DLG2: variants seen among roughly 807,000 people sequenced by gnomAD.
The protein encoded by DLG2 is disks large homolog 2.
Under a neutral mutation model 132.5 loss-of-function variants are expected in DLG2, and 45 were observed. The observed-to-expected ratio is 0.34, with a 90% CI of 0.27 to 0.44. The LOEUF (loss-of-function observed/expected upper bound fraction) is 0.44, where lower values mean the gene tolerates loss of function less well. Among genes scored for constraint, DLG2 ranks in the 20% least tolerant of loss-of-function variants. DLG2 has a pLI of 1.00. For synonymous variants in DLG2, 424 were observed against 419.6 expected, an observed-to-expected ratio of 1.01 and a Z score of -0.13; for missense variants, 1,045 against 1,196.9, an observed-to-expected ratio of 0.87 and a Z score of 1.87.
intron 3 of DLG2, among the ~76,000 whole-genome samples, chr11:85,510,270 T>C (rs950136367): frequency 1.3e-5 from 2 of 152,040 alleles, no homozygotes; most frequent in Admixed American, 6.6e-5. Context: ...GAAGAACTGA[T>C]AGGCCAGGAT....
intron 7 of DLG2, among the ~76,000 whole-genome samples, chr11:84,408,461 C>T (rs1280517314): frequency 6.6e-6 from 1 of 152,104 alleles, no homozygotes; most frequent in East Asian, 1.9e-4. Context: ...CATCATTGCA[C>T]ATGTTATTTA....
chr11:84,903,560 A>G (rs1400231637), intron 6 of DLG2, among the ~76,000 whole-genome samples: 1 of 152,148 alleles, frequency 6.6e-6, no homozygotes, highest in African/African-American at 2.4e-5. Flanking sequence ...ATTGTTCACA[A>G]ACTTAGTTGA....
chr11:83,909,947 GT>G (rs2075758756), intron 15 of DLG2, among the ~76,000 whole-genome samples: 1 of 152,180 alleles, frequency 6.6e-6, no homozygotes, highest in Admixed American at 6.6e-5. Flanking sequence ...GCCCTAGAAA[GT>G]GATCCACTGG....
chr11:83,510,542 TC>T (rs1224791160), intron 21 of DLG2, among the ~76,000 whole-genome samples: 1 of 152,214 alleles, frequency 6.6e-6, no homozygotes, highest in African/African-American at 2.4e-5. Context: ...TAGCCTGTAG[TC>T]CCGTTTTAGC....
intron 15 of DLG2, among the ~76,000 whole-genome samples, chr11:83,884,661 C>A (rs1388896863): frequency 6.6e-6 from 1 of 152,168 alleles, no homozygotes; most frequent in East Asian, 1.9e-4. Context: ...GTCCCTGACC[C>A]CTGACTACCA....
intron 6 of DLG2, among the ~76,000 whole-genome samples, chr11:84,554,274 T>TA (rs1217824433): frequency 1.3e-5 from 2 of 152,170 alleles, no homozygotes. Context: ...TTTTTAACCC[T>TA]AAAAATCATT....
At chr11:84,131,201 G>C (rs1397858139) in intron 9 of DLG2, among the ~76,000 whole-genome samples, 1 of 151,952 alleles carries the variant, frequency 6.6e-6, no homozygotes, top group Non-Finnish European at 1.5e-5. Flanking sequence ...GGAAACATGA[G>C]CATGTTGAAG....
intron 6 of DLG2, among the ~76,000 whole-genome samples, chr11:84,795,618 C>G (rs1159962510): frequency 1.3e-5 from 2 of 152,128 alleles, no homozygotes; most frequent in African/African-American, 4.8e-5. Flanking sequence ...AATTGTGGAG[C>G]TGAAAGAGCT....
chr11:84,741,270 G>C (rs1020806873), intron 6 of DLG2, among the ~76,000 whole-genome samples: 3 of 151,528 alleles, frequency 2.0e-5, no homozygotes, highest in African/African-American at 7.3e-5. Context: ...GTTTCACCGT[G>C]GTCTCGATCT....
intron 4 of DLG2, among the ~76,000 whole-genome samples, chr11:85,255,634 A>C (rs1374825802): frequency 1.3e-4 from 20 of 152,218 alleles, no homozygotes; most frequent in Non-Finnish European, 4.4e-5. Flanking sequence ...AGTACATCTG[A>C]AGAGTAATAT....
intron 6 of DLG2, among the ~76,000 whole-genome samples, chr11:84,557,936 A>C (rs1473142556): frequency 6.6e-6 from 1 of 152,122 alleles, no homozygotes; most frequent in Non-Finnish European, 1.5e-5. Context: ...TTTACAAACT[A>C]TCAGCAACAT....
intron 3 of DLG2, among the ~76,000 whole-genome samples, chr11:85,490,850 GAA>G (rs57213113): frequency 6.6e-6 from 1 of 151,912 alleles, no homozygotes; most frequent in Admixed American, 6.6e-5. Flanking sequence ...AAAGTACAAA[GAA>G]AAACTAATAC....
intron 6 of DLG2, among the ~76,000 whole-genome samples, chr11:84,535,954 C>CATATATATATATATATATATATATATAT (rs778920932): frequency 5.3e-4 from 77 of 144,436 alleles, no homozygotes; most frequent in African/African-American, 1.5e-3. Flanking sequence ...TTTTCATATA[C>CATATATATATATATATATATATATATAT]ATATATATAT....
chr11:85,107,788 C>G (rs542900726), intron 6 of DLG2, among the ~76,000 whole-genome samples: 2 of 151,954 alleles, frequency 1.3e-5, no homozygotes, highest in South Asian at 4.1e-4. Context: ...AACTGCCACA[C>G]TTTTCACTAG....
intron 16 of DLG2, 27 bp from the exon 17 acceptor site, chr11:83,833,797 T>A: frequency 6.2e-7 from 1 of 1,605,822 alleles, no homozygotes; most frequent in African/African-American, 1.3e-5. Flanking sequence ...AGAACACAGC[T>A]CAGAGGGTGA....
At chr11:84,329,829 G>A (rs1286648234) in intron 7 of DLG2, among the ~76,000 whole-genome samples, 1 of 152,186 alleles carries the variant, frequency 6.6e-6, no homozygotes, top group Non-Finnish European at 1.5e-5. Flanking sequence ...TGTGTATAAT[G>A]TGATAAAGCT....
intron 6 of DLG2, chr11:85,021,006 A>G (rs2060017200): frequency 6.5e-6 from 5 of 774,900 alleles, no homozygotes; most frequent in Non-Finnish European, 9.6e-6. Context: ...CTTATTATTC[A>G]TATCTACTGC....
intron 6 of DLG2, among the ~76,000 whole-genome samples, chr11:85,082,199 T>C (rs1219057188): frequency 6.6e-6 from 1 of 152,084 alleles, no homozygotes; most frequent in African/African-American, 2.4e-5. Flanking sequence ...CCTAAACACA[T>C]TAAGAAAAAA....
At chr11:84,561,284 C>G (rs148196764) in intron 6 of DLG2, among the ~76,000 whole-genome samples, 1 of 152,046 alleles carries the variant, frequency 6.6e-6, no homozygotes, top group Non-Finnish European at 1.5e-5. Context: ...GATGAGAACT[C>G]CTGATCCTAT....
Sources: allele counts gnomAD v4.1 joint callset (sites outside exome capture counted in the v4.1 genomes callset), GRCh38; gene constraint gnomAD v4.1.1; transcripts MANE v1.5; gene names NCBI Gene and HGNC (gene_info 2026-07-23, HGNC 2026-07-21).